The following ZBTB7C variants were observed in gnomAD, a reference collection of about 807,000 sequenced individuals.
The protein encoded by ZBTB7C is zinc finger and BTB domain-containing protein 7C.
ZBTB7C carries 8 observed loss-of-function variants against 25.7 expected under a neutral mutation model. The ratio of observed to expected loss-of-function variants is 0.31; its 90% CI spans 0.18 to 0.56. The LOEUF (loss-of-function observed/expected upper bound fraction) is 0.56. Ranked by LOEUF, ZBTB7C falls within the 20% of genes least tolerant of loss-of-function variation. ZBTB7C has a pLI of 0.91. For synonymous variants in ZBTB7C, 394 were observed against 369.0 expected, an observed-to-expected ratio of 1.07 and a Z score of -0.78; for missense variants, 824 against 855.2, an observed-to-expected ratio of 0.96 and a Z score of 0.46.
chr18:48,096,074 AG>A (rs2038620469), intron 3 of ZBTB7C, among the ~76,000 whole-genome samples: 1 of 152,242 alleles, frequency 6.6e-6, no homozygotes, highest in Non-Finnish European at 1.5e-5. Flanking sequence ...TCGGGGGCTC[AG>A]GTTCTTGGTC....
At chr18:48,120,095 C>T (rs990573786) in intron 3 of ZBTB7C, among the ~76,000 whole-genome samples, 2 of 152,146 alleles carry the variant, frequency 1.3e-5, no homozygotes, top group Non-Finnish European at 2.9e-5. Context: ...TCTCTGGGTA[C>T]AGCCCTCTGA....
rs886658829 is a variant in ZBTB7C, at chr18:48,076,959, T to C, written c.-16-35836A>G. The C allele has an allele frequency of 1.3e-5, 13 of 985,140 alleles. No individual in the cohort carries two copies. The African/African-American group carries it at 2.1e-4, about 16-fold the overall frequency. The allele number at this position is 985,140 out of a possible 1,614,324, so 61.0% of individuals were successfully genotyped here. A position where few individuals can be genotyped will look rare whatever the true frequency, so the allele number is the denominator to read the frequency against. The stretch of plus-strand genomic sequence containing the variant: ...ACCTGGCTTTAACACTTCTCCATAA[T>C]GTCCTACATGTTTCTGAACTTGGCC... On this transcript the variant is annotated intron_variant, in intron 3 of 4. Coordinates refer to ENST00000590800, the MANE Select transcript of ZBTB7C (RefSeq NM_001318841.2).
intron 2 of ZBTB7C, among the ~76,000 whole-genome samples, chr18:48,226,646 G>T (rs2043102717): frequency 6.6e-6 from 1 of 152,216 alleles, no homozygotes; most frequent in Non-Finnish European, 1.5e-5. Flanking sequence ...CACCCATGGT[G>T]GGGAGCAGTA....
At chr18:48,337,936 A>G (rs148990710) in intron 2 of ZBTB7C, among the ~76,000 whole-genome samples, 1 of 152,304 alleles carries the variant, frequency 6.6e-6, no homozygotes, top group Non-Finnish European at 1.5e-5. Context: ...AGGCCTTCCC[A>G]TAAGGCATAG....
chr18:48,175,849 A>G (rs1442860920), intron 3 of ZBTB7C, among the ~76,000 whole-genome samples: 1 of 152,260 alleles, frequency 6.6e-6, no homozygotes, highest in East Asian at 1.9e-4. Flanking sequence ...CTATGCAGAT[A>G]ATAAATAAAA....
rs927910862 is a variant in ZBTB7C, at chr18:48,027,698, A to C, written c.*1562T>G. On this transcript the variant is annotated 3_prime_UTR_variant, in exon 5 of 5. Transcript: ENST00000590800. ...AGGAAAAAGCCAAGGCAACAGGAAG[A>C]GCTGAAGTCTCTTTGTGCCCATAGC... 2.6e-5 allele frequency: 4 copies of C among 152,240 alleles called. No homozygotes were observed. Among genetic ancestry groups the C allele is most frequent in the African/African-American group, 9.7e-5 (4 of 41,448 alleles). The allele number at this position is 152,240 out of a possible 1,614,324, so 9.4% of individuals were successfully genotyped here. A position where few individuals can be genotyped will look rare whatever the true frequency, so the allele number is the denominator to read the frequency against.
chr18:48,291,025 T>C (rs1185187179), intron 2 of ZBTB7C, among the ~76,000 whole-genome samples: 10 of 152,186 alleles, frequency 6.6e-5, no homozygotes, highest in Non-Finnish European at 1.0e-4. Context: ...AAGAGTTGGG[T>C]GCCTGGTATC....
intron 1 of ZBTB7C, among the ~76,000 whole-genome samples, chr18:48,398,908 A>G (rs1292633092): frequency 6.6e-6 from 1 of 152,254 alleles, no homozygotes; most frequent in Non-Finnish European, 1.5e-5. Flanking sequence ...TCTTGTGAAC[A>G]ATAACTTGGC....
intron 2 of ZBTB7C, among the ~76,000 whole-genome samples, chr18:48,274,010 T>C (rs887281308): frequency 2.0e-5 from 3 of 152,192 alleles, no homozygotes; most frequent in Non-Finnish European, 2.9e-5. Context: ...TACGAATAAA[T>C]GGTAATTTTG....
chr18:48,296,006 C>T (rs1157298879), intron 2 of ZBTB7C, among the ~76,000 whole-genome samples: 1 of 152,238 alleles, frequency 6.6e-6, no homozygotes, highest in African/African-American at 2.4e-5. Context: ...TAAATCCCTC[C>T]CTTCCACTGG....
chr18:48,051,065 G>A (rs2036667159), intron 3 of ZBTB7C, among the ~76,000 whole-genome samples: 1 of 152,106 alleles, frequency 6.6e-6, no homozygotes, highest in African/African-American at 2.4e-5. Context: ...CCCCCTGTAT[G>A]AGGCTGTATC....
chr18:48,214,843 C>T (rs2042785488), intron 2 of ZBTB7C, among the ~76,000 whole-genome samples: 1 of 152,194 alleles, frequency 6.6e-6, no homozygotes, highest in African/African-American at 2.4e-5. Flanking sequence ...CATCAGTGAA[C>T]ACTGGTTTGC....
chr18:48,279,616 A>G (rs16949030), intron 2 of ZBTB7C, among the ~76,000 whole-genome samples: 3,928 of 152,264 alleles, frequency 0.026, 169 homozygotes, highest in African/African-American at 0.09. Context: ...GACAAGGGAC[A>G]ACCTCCCCAA....
intron 2 of ZBTB7C, among the ~76,000 whole-genome samples, chr18:48,281,434 G>A (rs2044845825): frequency 6.6e-6 from 1 of 152,046 alleles, no homozygotes; most frequent in East Asian, 1.9e-4. Context: ...CAAAAGCAAT[G>A]GCAACAAAAG....
chr18:48,371,765 G>A (rs1284839190), intron 1 of ZBTB7C, among the ~76,000 whole-genome samples: 1 of 152,206 alleles, frequency 6.6e-6, no homozygotes, highest in East Asian at 1.9e-4. Context: ...ATTCCTAAAA[G>A]ACACAAATAG....
At chr18:48,228,876 T>C (rs4940340) in intron 2 of ZBTB7C, among the ~76,000 whole-genome samples, 136,011 of 151,670 alleles carry the variant, frequency 0.9, 62,121 homozygotes, top group East Asian at 1. Context: ...CACTCTCACT[T>C]TAGACTTTAA....
intron 3 of ZBTB7C, among the ~76,000 whole-genome samples, chr18:48,087,162 T>C (rs1052243063): frequency 1.3e-5 from 2 of 152,194 alleles, no homozygotes; most frequent in Non-Finnish European, 2.9e-5. Flanking sequence ...TTGCCTGCTA[T>C]TGAGTGCTCA....
intron 1 of ZBTB7C, among the ~76,000 whole-genome samples, chr18:48,363,042 A>C (rs1164245182): frequency 6.6e-6 from 1 of 152,226 alleles, no homozygotes; most frequent in Non-Finnish European, 1.5e-5. Context: ...CTTTACCTCA[A>C]CATCCTCTTC....
At chr18:48,406,258 C>T (rs1312492978) in intron 1 of ZBTB7C, among the ~76,000 whole-genome samples, 2 of 152,086 alleles carry the variant, frequency 1.3e-5, no homozygotes, top group Non-Finnish European at 2.9e-5. Flanking sequence ...GCCCTGGTGA[C>T]AGCCTCCAGT....
Sources: gnomAD v4.1 joint callset for allele counts (sites outside exome capture counted in the v4.1 genomes callset) on GRCh38, gnomAD v4.1.1 for gene constraint, MANE v1.5 for transcripts, NCBI Gene and HGNC (gene_info 2026-07-23, HGNC 2026-07-21) for gene names.